UQCC2: variants seen among roughly 807,000 people sequenced by gnomAD.
UQCC2 encodes the protein ubiquinol-cytochrome c reductase complex assembly factor 2.
Under a neutral mutation model 19.9 loss-of-function variants are expected in UQCC2, and 21 were observed. The observed-to-expected ratio is 1.05, with a 90% CI of 0.75 to 1.52. UQCC2 has a LOEUF of 1.52. UQCC2 is among the 40% of genes most tolerant of loss of function. The pLI is 0.00. For missense variants in UQCC2, 135 were observed against 157.5 expected (o/e 0.86, Z 0.76); for synonymous variants, 57 against 60.9 (o/e 0.94, Z 0.30).
Position 33,697,650 on chromosome 6 carries a change from A to G in UQCC2, c.*3T>C, listed in dbSNP as rs1765579972. ...AGGTATGTGCACGAGGTAAGGCCTGAGCTCAGGCCTTATGATCCTCCTCAG... is the reference window on the plus strand; with the variant it reads ...AGGTATGTGCACGAGGTAAGGCCTGGGCTCAGGCCTTATGATCCTCCTCAG... On this transcript the variant is annotated 3_prime_UTR_variant, in exon 4 of 4. Coordinates refer to ENST00000607484, the MANE Select transcript of UQCC2 (RefSeq NM_032340.4). The G allele has an allele frequency of 2.5e-6, 4 of 1,610,130 alleles. No homozygotes were observed. Among genetic ancestry groups the G allele is most frequent in the Non-Finnish European group, 3.4e-6 (4 of 1,178,452 alleles).
intron 1 of UQCC2, 89 bp downstream of exon 1, chr6:33,711,460 T>C (rs969345954): frequency 4.0e-6 from 6 of 1,484,868 alleles, no homozygotes; most frequent in South Asian, 1.4e-5. Flanking sequence ...GGCGCGCGCA[T>C]GCGCAGATCC....
In UQCC2 at chr6:33,705,023, ACT is replaced by A. The variant is rs535276660; in HGVS notation, c.139-3605_139-3604del. Among the ~76,000 whole-genome samples the A allele has an allele frequency of 2.8e-3, 403 of 145,532 alleles. 3 individuals are homozygous for A. Among genetic ancestry groups the A allele is most frequent in the African/African-American group, 9.0e-3 (360 of 39,860 alleles). On this transcript the variant is annotated intron_variant, in intron 1 of 3. Transcript: ENST00000607484. ...GCAAAAAGCAAAGTGACCCTCAGGTACTCTCACTTCTTTTTTTTTTTTTTTTT... is the reference window on the plus strand; with the variant it reads ...GCAAAAAGCAAAGTGACCCTCAGGTACTCACTTCTTTTTTTTTTTTTTTTT...
chr6:33,707,015 GGCAATGGGCAGACCCCAAA>G (rs1213446583), intron 1 of UQCC2, among the ~76,000 whole-genome samples: 11 of 152,226 alleles, frequency 7.2e-5, no homozygotes, highest in African/African-American at 2.2e-4. Context: ...CTGCCCAGGA[GGCAATGGGCAGACCCCAAA>G]CATCTTTGAA....
chr6:33,707,160 A>G lies in UQCC2; in HGVS notation c.138+4389T>C, dbSNP rs1161783668. Among the ~76,000 whole-genome samples the G allele has an allele frequency of 2.0e-5, 3 of 152,246 alleles. No individual in the cohort carries two copies. In the East Asian group the frequency reaches 5.8e-4, roughly 29 times the overall value. ...TGGTGTGAATACTACCCTAGCTCAC[A>G]CTGGCGCCATTCAGAATTGGGAGAG... is the stretch of plus-strand genomic sequence containing the variant. On this transcript the variant is annotated intron_variant, in intron 1 of 3. Coordinates refer to ENST00000607484, the MANE Select transcript of UQCC2 (RefSeq NM_032340.4).
intron 1 of UQCC2, among the ~76,000 whole-genome samples, chr6:33,707,956 G>A (rs576362287): frequency 6.6e-6 from 1 of 152,368 alleles, no homozygotes; most frequent in Admixed American, 6.5e-5. Context: ...CCCACTTGGT[G>A]GGTTTAGGGT....
At chr6:33,708,943 C>A (rs1035737575) in intron 1 of UQCC2, among the ~76,000 whole-genome samples, 2 of 152,302 alleles carry the variant, frequency 1.3e-5, no homozygotes, top group Middle Eastern at 3.4e-3. Flanking sequence ...TTCACTCTAC[C>A]AGGAATGCAT....
chr6:33,697,767 C>T lies in UQCC2; in HGVS notation c.284-17G>A. The T allele has an allele frequency of 6.3e-7, 1 of 1,599,002 alleles. No homozygotes were observed. The highest frequency in any genetic ancestry group is 8.5e-7 in the Non-Finnish European group (1 of 1,170,840). ...CCAAGGTGTCTGCAAAAGGGGAAGA[C>T]AAAAAGAGAGAGGGACTGAAGTCTA... On this transcript the variant is annotated splice_polypyrimidine_tract_variant and intron_variant, in intron 3 of 3. Coordinates refer to ENST00000607484, the MANE Select transcript of UQCC2 (RefSeq NM_032340.4).
In UQCC2 at chr6:33,711,592, C is replaced by T; in HGVS notation, c.95G>A (p.Arg32Gln). 2 of 1,613,980 alleles carry T rather than the reference C, an allele frequency of 1.2e-6. No homozygotes were observed. Among genetic ancestry groups the T allele is most frequent in the East Asian group, 2.2e-5 (1 of 44,844 alleles). The change falls in exon 1 of 4, where the codon CGA becomes CAA. Residue 32 changes from arginine (R) to glutamine (Q), a missense_variant. Transcript: ENST00000607484. Reference sequence around the variant, plus strand: ...CCGAAAGGCCTGTGCTACCCGCTGTCGCAGGTAAGCGCCCAAGTCCCGGCC... The same window carrying T: ...CCGAAAGGCCTGTGCTACCCGCTGTTGCAGGTAAGCGCCCAAGTCCCGGCC... ...KRGRDLGAYL[R>Q]QRVAQAFREG...
At chr6:33,707,951 T>C (rs1765719462) in intron 1 of UQCC2, among the ~76,000 whole-genome samples, 1 of 152,220 alleles carries the variant, frequency 6.6e-6, no homozygotes, top group Admixed American at 6.5e-5. Flanking sequence ...ACCTCCCCAC[T>C]TGGTGGGTTT....
intron 1 of UQCC2, among the ~76,000 whole-genome samples, chr6:33,703,989 A>G (rs1018567665): frequency 6.6e-6 from 1 of 152,182 alleles, no homozygotes; most frequent in Non-Finnish European, 1.5e-5. Flanking sequence ...TGCACTGAAC[A>G]TTTTTAAAGC....
chr6:33,707,345 C>T (rs541272043), intron 1 of UQCC2, among the ~76,000 whole-genome samples: 1 of 152,314 alleles, frequency 6.6e-6, no homozygotes, highest in African/African-American at 2.4e-5. Flanking sequence ...GGGTGAGCAA[C>T]GTTGAGATGG....
chr6:33,704,573 G>A (rs887093364), intron 1 of UQCC2, among the ~76,000 whole-genome samples: 17 of 152,118 alleles, frequency 1.1e-4, no homozygotes, highest in African/African-American at 4.1e-4. Flanking sequence ...TGCTGTACCT[G>A]GTCTTCACCT....
chr6:33,699,242 A>G (rs765836540), intron 3 of UQCC2, among the ~76,000 whole-genome samples: 2 of 152,240 alleles, frequency 1.3e-5, no homozygotes, highest in Non-Finnish European at 2.9e-5. Context: ...TGCAACAAAA[A>G]TATGAGGCTT....
At position 33,711,542 on chromosome 6, in the gene UQCC2, C is replaced by G; in HGVS notation, c.138+7G>C. 6.3e-7 allele frequency: 1 copy of G among 1,593,482 alleles called. No individual in the cohort carries two copies. Among genetic ancestry groups the G allele is most frequent in the East Asian group, 2.3e-5 (1 of 44,128 alleles). On this transcript the variant is annotated splice_region_variant and intron_variant, in intron 1 of 3. Transcript: ENST00000607484. ...CCCCTCGTCCCAGCCGCCTCCCCGC[C>G]GGTCACCTGGGTATTCTCTCCCTCC...
At chr6:33,701,644 A>G (rs1765641802) in intron 1 of UQCC2, among the ~76,000 whole-genome samples, 1 of 152,084 alleles carries the variant, frequency 6.6e-6, no homozygotes, top group Non-Finnish European at 1.5e-5. Flanking sequence ...CAACCTACAG[A>G]AAAATCAGAT....
intron 1 of UQCC2, among the ~76,000 whole-genome samples, chr6:33,703,145 G>C (rs1040892736): frequency 4.6e-5 from 7 of 152,222 alleles, no homozygotes; most frequent in African/African-American, 1.2e-4. Context: ...ATGGAATTCT[G>C]CACACATCTG....
chr6:33,705,304 T>A (rs1042223805), intron 1 of UQCC2, among the ~76,000 whole-genome samples: 2 of 152,194 alleles, frequency 1.3e-5, no homozygotes, highest in Non-Finnish European at 2.9e-5. Flanking sequence ...GTGCTGGGAT[T>A]ACAGGCTTGA....
chr6:33,704,926 G>A (rs1340935375), intron 1 of UQCC2, among the ~76,000 whole-genome samples: 1 of 152,198 alleles, frequency 6.6e-6, no homozygotes, highest in Non-Finnish European at 1.5e-5. Flanking sequence ...AGGACAGACA[G>A]GAGGGGCATG....
intron 1 of UQCC2, among the ~76,000 whole-genome samples, chr6:33,704,667 C>T (rs1765679208): frequency 6.6e-6 from 1 of 152,204 alleles, no homozygotes; most frequent in African/African-American, 2.4e-5. Context: ...AGTCCACAAG[C>T]TGATCTGCCT....
Sources: allele counts gnomAD v4.1 joint callset (sites outside exome capture counted in the v4.1 genomes callset), GRCh38; gene constraint gnomAD v4.1.1; transcripts MANE v1.5; gene names NCBI Gene and HGNC (gene_info 2026-07-23, HGNC 2026-07-21).